GRM5: variants seen among roughly 807,000 people sequenced by gnomAD.
The protein encoded by GRM5 is metabotropic glutamate receptor 5.
GRM5 carries 19 observed loss-of-function variants against 83.1 expected under a neutral mutation model. The observed-to-expected ratio is 0.23, with a 90% CI of 0.16 to 0.34. GRM5 has a LOEUF of 0.34. GRM5 is among the 10% of genes least tolerant of loss of function. GRM5 has a pLI of 1.00. For missense variants in GRM5, 1,160 were observed against 1,588.3 expected (o/e 0.73, Z 4.58); for synonymous variants, 675 against 633.6 (o/e 1.07, Z -0.98).
intron 3 of GRM5, among the ~76,000 whole-genome samples, chr11:88,781,566 G>T (rs760032807): frequency 6.6e-6 from 1 of 152,170 alleles, no homozygotes; most frequent in Non-Finnish European, 1.5e-5. Flanking sequence ...TCCTGGCTAT[G>T]ATTCCAGTCA....
chr11:88,610,193 T>C (rs1362696424), intron 4 of GRM5, among the ~76,000 whole-genome samples: 2 of 152,152 alleles, frequency 1.3e-5, no homozygotes, highest in Non-Finnish European at 2.9e-5. Context: ...TTCTTTTTGC[T>C]TGATTTGAGA....
chr11:88,522,180 G>A (rs954570440), intron 9 of GRM5, among the ~76,000 whole-genome samples: 4 of 152,136 alleles, frequency 2.6e-5, no homozygotes, highest in African/African-American at 9.7e-5. Flanking sequence ...AAGCAATAGG[G>A]GGTGGAGTAG....
At position 88,865,783 on chromosome 11, in the gene GRM5, T is replaced by C. The variant is rs1163373426; in HGVS notation, c.662-15628A>G. Among the ~76,000 whole-genome samples, 12 of 152,204 alleles carry C rather than the reference T, an allele frequency of 7.9e-5. No individual in the cohort carries two copies. In the East Asian group the frequency reaches 2.3e-3, roughly 29 times the overall value. ...GACATTTCGCAAAAGAAGACATTTA[T>C]GCAGCCAACAAACATATGAAAAAAA... On this transcript the variant is annotated intron_variant, in intron 2 of 9. Transcript: ENST00000305447.
At chr11:88,590,376 T>C (rs866522758) in intron 7 of GRM5, among the ~76,000 whole-genome samples, 1 of 152,160 alleles carries the variant, frequency 6.6e-6, no homozygotes, top group African/African-American at 2.4e-5. Context: ...CTAGGAATAC[T>C]GATCTAATTT....
intron 2 of GRM5, among the ~76,000 whole-genome samples, chr11:89,034,178 A>G (rs375800095): frequency 6.6e-6 from 1 of 151,748 alleles, no homozygotes; most frequent in East Asian, 1.9e-4. Flanking sequence ...AGTGTGGAAG[A>G]TTTAAAATCT....
intron 3 of GRM5, among the ~76,000 whole-genome samples, chr11:88,816,722 G>C (rs1487545021): frequency 9.1e-6 from 1 of 109,684 alleles, no homozygotes; most frequent in Non-Finnish European, 1.8e-5. Flanking sequence ...CAATAAAACT[G>C]ATAAATCTCT....
At position 88,574,985 on chromosome 11, in the gene GRM5, C is replaced by CTTTTTTT. The variant is rs796257304; in HGVS notation, c.1691-7000_1691-6994dup. 1.2e-3 allele frequency among the ~76,000 whole-genome samples: 140 copies of CTTTTTTT among 116,004 alleles called. 1 individual carries two copies. The highest frequency in any genetic ancestry group is 2.2e-3 in the African/African-American group (69 of 30,912). The allele number at this position is 116,004 out of a possible 152,430, so 76.1% of individuals were successfully genotyped here. On this transcript the variant is annotated intron_variant, in intron 7 of 9. Coordinates refer to ENST00000305447, the MANE Select transcript of GRM5 (RefSeq NM_001143831.3). Reference sequence around the variant, plus strand: ...GGCTGTTAATTGTAACTTTTCTTTTCTTTTTTTTTTTTTTTTACTTTAGCA... The same window carrying CTTTTTTT: ...GGCTGTTAATTGTAACTTTTCTTTTCTTTTTTTTTTTTTTTTTTTTTTTACTTTAGCA...
chr11:89,037,179 G>T (rs954883581), intron 2 of GRM5, among the ~76,000 whole-genome samples: 11 of 152,016 alleles, frequency 7.2e-5, no homozygotes, highest in African/African-American at 2.2e-4. Context: ...TGTATGTGTG[G>T]GGGGGAGTTA....
chr11:88,604,682 GTC>G (rs770874894), intron 5 of GRM5, 34 bp downstream of exon 5: 1 of 1,546,226 alleles, frequency 6.5e-7, no homozygotes, highest in Non-Finnish European at 8.9e-7. Context: ...CTGTTATTCA[GTC>G]TCTACTCTGC....
intron 2 of GRM5, among the ~76,000 whole-genome samples, chr11:88,968,409 A>T (rs1258357516): frequency 5.9e-5 from 9 of 152,114 alleles, no homozygotes; most frequent in Admixed American, 2.6e-4. Flanking sequence ...AGGACTGAGC[A>T]TGGTGGTTCA....
intron 3 of GRM5, among the ~76,000 whole-genome samples, chr11:88,839,813 A>G (rs1021964794): frequency 1.3e-5 from 2 of 152,210 alleles, no homozygotes; most frequent in East Asian, 3.8e-4. Context: ...AATCCTTACA[A>G]ATAACATAAT....
At chr11:88,864,941 T>C (rs1395596152) in intron 2 of GRM5, among the ~76,000 whole-genome samples, 2 of 152,178 alleles carry the variant, frequency 1.3e-5, no homozygotes, top group East Asian at 1.9e-4. Flanking sequence ...TTTTTGTCAT[T>C]GGTTTTATTT....
chr11:88,866,713 G>C (rs1181446639), intron 2 of GRM5, among the ~76,000 whole-genome samples: 2 of 151,672 alleles, frequency 1.3e-5, no homozygotes, highest in African/African-American at 4.8e-5. Context: ...ATGATCTTTG[G>C]AATTATGCTA....
intron 3 of GRM5, among the ~76,000 whole-genome samples, chr11:88,691,932 A>G (rs898645376): frequency 6.6e-6 from 1 of 152,230 alleles, no homozygotes; most frequent in Admixed American, 6.5e-5. Context: ...GAGCAACAGG[A>G]AAGTCCGAAA....
intron 8 of GRM5, among the ~76,000 whole-genome samples, chr11:88,556,443 C>T (rs960043171): frequency 6.6e-6 from 1 of 151,698 alleles, no homozygotes; most frequent in Non-Finnish European, 1.5e-5. Flanking sequence ...CTGCCTCAGT[C>T]TCCCAAGTAG....
intron 8 of GRM5, among the ~76,000 whole-genome samples, chr11:88,537,747 C>T (rs1235027999): frequency 5.9e-5 from 9 of 152,062 alleles, no homozygotes; most frequent in South Asian, 2.1e-4. Context: ...GGTCTCCGTG[C>T]GCAGAAAAAC....
At chr11:88,941,753 T>C (rs533904131) in intron 2 of GRM5, among the ~76,000 whole-genome samples, 1 of 152,230 alleles carries the variant, frequency 6.6e-6, no homozygotes, top group Admixed American at 6.6e-5. Flanking sequence ...AGATATTTGA[T>C]GGTCAGAATC....
intron 4 of GRM5, among the ~76,000 whole-genome samples, chr11:88,640,927 G>A (rs1288722000): frequency 6.6e-6 from 1 of 152,098 alleles, no homozygotes; most frequent in Non-Finnish European, 1.5e-5. Flanking sequence ...TGACAATACT[G>A]TAAAAATATG....
chr11:88,534,764 T>C lies in GRM5; in HGVS notation c.2631-9360A>G, dbSNP rs116345870. ...GGCAGAATAATATGGTTTGGCTCTG[T>C]TTCCCCACACAAATTTCATCTTCAC... On this transcript the variant is annotated intron_variant, in intron 8 of 9. Coordinates refer to ENST00000305447, the MANE Select transcript of GRM5 (RefSeq NM_001143831.3). Among the ~76,000 whole-genome samples the C allele has an allele frequency of 6.5e-3, 995 of 152,284 alleles. 12 individuals carry two copies. Among genetic ancestry groups the C allele is most frequent in the African/African-American group, 0.023 (952 of 41,558 alleles).
Sources: gnomAD v4.1 joint callset for allele counts (sites outside exome capture counted in the v4.1 genomes callset) on GRCh38, gnomAD v4.1.1 for gene constraint, MANE v1.5 for transcripts, NCBI Gene and HGNC (gene_info 2026-07-23, HGNC 2026-07-21) for gene names.